The following HPCAL1 variants were observed in gnomAD, a reference collection of about 807,000 sequenced individuals.
HPCAL1 encodes the protein hippocalcin like 1.
A neutral mutation model predicts 17.1 loss-of-function variants in HPCAL1; 8 were observed. The observed-to-expected ratio is 0.47, with a 90% CI of 0.27 to 0.84. The LOEUF (loss-of-function observed/expected upper bound fraction) is 0.84, where lower values mean the gene tolerates loss of function less well. Among genes scored for constraint, HPCAL1 ranks in the 40% least tolerant of loss-of-function variants. HPCAL1 has a pLI of 0.13. For missense variants in HPCAL1, 165 were observed against 271.1 expected, an observed-to-expected ratio of 0.61 and a Z score of 2.75; for synonymous variants, 112 against 111.4, an observed-to-expected ratio of 1.01 and a Z score of -0.03.
chr2:10,340,263 C>T (rs55638790), intron 1 of HPCAL1, among the ~76,000 whole-genome samples: 21,255 of 152,160 alleles, frequency 0.14, 1,619 homozygotes, highest in South Asian at 0.23. Context: ...CTTTCTTGAA[C>T]GGGAAAGATA....
intron 2 of HPCAL1, among the ~76,000 whole-genome samples, chr2:10,409,745 A>C (rs1039943860): frequency 2.7e-5 from 4 of 149,508 alleles, no homozygotes; most frequent in African/African-American, 9.9e-5. Flanking sequence ...ATTCACAACA[A>C]ACGCCTCTCC....
rs751046111 is a variant in HPCAL1 at position 10,394,791 on chromosome 2, A to G, written c.-110-2044A>G. 1.3e-5 allele frequency among the ~76,000 whole-genome samples: 2 copies of G among 151,888 alleles called. No homozygotes were observed. The highest frequency in any genetic ancestry group is 2.4e-5 in the African/African-American group (1 of 41,318). ...TTGTTGGGAAGACCTAAAAAATAAA[A>G]TCTTTTATTTTATTTTATTTTTTTG... On this transcript the variant is annotated intron_variant, in intron 1 of 4. Coordinates refer to ENST00000307845, the MANE Select transcript of HPCAL1 (RefSeq NM_002149.4). The surrounding 1 kb of genome is among the most constrained non-coding windows in gnomAD (Gnocchi z 5.0).
At chr2:10,421,279 C>G (rs2148036264) in intron 3 of HPCAL1, among the ~76,000 whole-genome samples, 1 of 152,344 alleles carries the variant, frequency 6.6e-6, no homozygotes, top group Non-Finnish European at 1.5e-5. Context: ...ATCAACAGCT[C>G]TAGCAGAAAG....
In HPCAL1 at chr2:10,359,234, T is replaced by C. The variant is rs1338432574; in HGVS notation, c.-110-37601T>C. On this transcript the variant is annotated intron_variant, in intron 1 of 4. Coordinates refer to ENST00000307845, the MANE Select transcript of HPCAL1 (RefSeq NM_002149.4). This position sits in a 1 kb window ranked among gnomAD's most constrained non-coding sequence, Gnocchi z 4.1. Reference sequence around the variant, plus strand: ...CTGGTGGCCACTCCCTTGGTGTCCATGGGTGTCTGGTGTGTGCCTATGTTT... The same window carrying C: ...CTGGTGGCCACTCCCTTGGTGTCCACGGGTGTCTGGTGTGTGCCTATGTTT... Among the ~76,000 whole-genome samples, 2 of 152,098 alleles carry C rather than the reference T, an allele frequency of 1.3e-5. No homozygotes were observed. Among genetic ancestry groups the C allele is most frequent in the Middle Eastern group, 3.2e-3 (1 of 316 alleles).
chr2:10,330,926 G>C lies in HPCAL1; in HGVS notation c.-111+27749G>C, dbSNP rs568732053. On this transcript the variant is annotated intron_variant, in intron 1 of 4. Coordinates refer to ENST00000307845, the MANE Select transcript of HPCAL1 (RefSeq NM_002149.4). This position sits in a 1 kb window ranked among gnomAD's most constrained non-coding sequence, Gnocchi z 4.2. ...CAGAGCTTCTGGGTGCAGCCTGGGG[G>C]TGCAGCAAGCCCACCCCTGCATTCG... Among the ~76,000 whole-genome samples, 1 of 152,302 alleles carries C rather than the reference G, an allele frequency of 6.6e-6. No homozygotes were observed. The highest frequency in any genetic ancestry group is 1.9e-4 in the East Asian group (1 of 5,176).
rs79375807 is a variant in HPCAL1 at position 10,343,247 on chromosome 2, C to T, written c.-111+40070C>T. 0.023 allele frequency among the ~76,000 whole-genome samples: 3,453 copies of T among 152,296 alleles called. 130 individuals are homozygous for T. The highest frequency in any genetic ancestry group is 0.08 in the African/African-American group (3,319 of 41,542). On this transcript the variant is annotated intron_variant, in intron 1 of 4. Coordinates refer to ENST00000307845, the MANE Select transcript of HPCAL1 (RefSeq NM_002149.4). This position sits in a 1 kb window ranked among gnomAD's most constrained non-coding sequence, Gnocchi z 4.8. ...TCTAGCACACCATGGAGGCCTGCCC[C>T]GTCCCCATAAAACACACCACATTCA... is the stretch of plus-strand genomic sequence containing the variant.
rs1046297415 is a variant in HPCAL1, at chr2:10,367,105, T to C, written c.-110-29730T>C. Among the ~76,000 whole-genome samples the C allele has an allele frequency of 6.6e-6, 1 of 152,086 alleles. No individual in the cohort carries two copies. Among genetic ancestry groups the C allele is most frequent in the Non-Finnish European group, 1.5e-5 (1 of 68,018 alleles). On this transcript the variant is annotated intron_variant, in intron 1 of 4. Coordinates refer to ENST00000307845, the MANE Select transcript of HPCAL1 (RefSeq NM_002149.4). This position sits in a 1 kb window ranked among gnomAD's most constrained non-coding sequence, Gnocchi z 4.4. ...CCCAAGAGAGACCGGGAGGAGCATC[T>C]GGTGGAGGACCTGGGTGTTCTGTCT...
intron 1 of HPCAL1, among the ~76,000 whole-genome samples, chr2:10,393,463 G>A (rs943475829): frequency 6.6e-6 from 1 of 152,220 alleles, no homozygotes; most frequent in African/African-American, 2.4e-5. Flanking sequence ...TGGGGAAACT[G>A]GAAATGGCAG....
In HPCAL1 at chr2:10,344,650, C is replaced by T. The variant is rs575985109; in HGVS notation, c.-111+41473C>T. ...AAATGAGTAAGACGGGCGTCCCACA[C>T]TCCACAGTACTCTGCTCCCCCTTCC... On this transcript the variant is annotated intron_variant, in intron 1 of 4. Transcript: ENST00000307845. The surrounding 1 kb of genome is among the most constrained non-coding windows in gnomAD (Gnocchi z 4.9). Among the ~76,000 whole-genome samples, 2 of 152,338 alleles carry T rather than the reference C, an allele frequency of 1.3e-5. No homozygotes were observed. The highest frequency in any genetic ancestry group is 1.9e-4 in the East Asian group (1 of 5,192).
intron 1 of HPCAL1, among the ~76,000 whole-genome samples, chr2:10,322,277 C>A (rs1203635880): frequency 6.6e-6 from 1 of 152,160 alleles, no homozygotes; most frequent in Non-Finnish European, 1.5e-5. Context: ...CCCAAGTTAG[C>A]CTTATAAAGT....
chr2:10,422,915 G>A lies in HPCAL1; in HGVS notation c.379-68G>A, dbSNP rs957275181. On this transcript the variant is annotated intron_variant, in intron 3 of 4. Transcript: ENST00000307845. Reference sequence around the variant, plus strand: ...GAGCCTTGTTGTGGGCTGGGCGGAAGCCCACCCTTGCTGCACCCGCCCAAG... The same window carrying A: ...GAGCCTTGTTGTGGGCTGGGCGGAAACCCACCCTTGCTGCACCCGCCCAAG... 1.5e-5 allele frequency: 17 copies of A among 1,138,066 alleles called. No homozygotes were observed. In the South Asian group the frequency reaches 2.0e-4, roughly 13 times the overall value. The allele number at this position is 1,138,066 out of a possible 1,614,324, so 70.5% of individuals were successfully genotyped here. A position where few individuals can be genotyped will look rare whatever the true frequency, so the allele number is the denominator to read the frequency against.
At chr2:10,339,321 T>TA (rs1664921675) in intron 1 of HPCAL1, among the ~76,000 whole-genome samples, 1 of 146,590 alleles carries the variant, frequency 6.8e-6, no homozygotes. Flanking sequence ...CCCACCTAAT[T>TA]TTTTTTTTTT....
At chr2:10,322,411 G>A (rs1663723936) in intron 1 of HPCAL1, among the ~76,000 whole-genome samples, 1 of 152,194 alleles carries the variant, frequency 6.6e-6, no homozygotes, top group African/African-American at 2.4e-5. Context: ...GAAGCCACAC[G>A]AAAACCCCAG....
At chr2:10,396,368 G>A (rs912578874) in intron 1 of HPCAL1, among the ~76,000 whole-genome samples, 1 of 152,218 alleles carries the variant, frequency 6.6e-6, no homozygotes, top group Middle Eastern at 3.2e-3. Flanking sequence ...GTCGTGGGTG[G>A]CAGGCCTGGG....
intron 1 of HPCAL1, among the ~76,000 whole-genome samples, chr2:10,308,263 A>G (rs1240176452): frequency 6.6e-6 from 1 of 152,138 alleles, no homozygotes; most frequent in Non-Finnish European, 1.5e-5. Context: ...TGTTTTAATT[A>G]ATACCAAGAT....
intron 1 of HPCAL1, among the ~76,000 whole-genome samples, chr2:10,338,743 C>T (rs561590611): frequency 3.2e-4 from 49 of 152,248 alleles, no homozygotes; most frequent in African/African-American, 1.2e-3. Context: ...CCATGGATTC[C>T]GTAGAGCTTT....
intron 1 of HPCAL1, among the ~76,000 whole-genome samples, chr2:10,319,085 C>T (rs1321192180): frequency 6.6e-6 from 1 of 152,242 alleles, no homozygotes; most frequent in African/African-American, 2.4e-5. Context: ...CCATCATCAA[C>T]ATCATTGTCG....
intron 1 of HPCAL1, among the ~76,000 whole-genome samples, chr2:10,393,735 G>C (rs73163039): frequency 0.026 from 3,902 of 152,230 alleles, 156 homozygotes; most frequent in African/African-American, 0.086. Flanking sequence ...CAGCAGGCTT[G>C]TGCTCACCTG....
chr2:10,308,766 T>C (rs1662777790), intron 1 of HPCAL1, among the ~76,000 whole-genome samples: 1 of 151,958 alleles, frequency 6.6e-6, no homozygotes, highest in Non-Finnish European at 1.5e-5. Flanking sequence ...TCTAGCAGAG[T>C]GTGGGGATTT....
Sources: allele counts gnomAD v4.1 joint callset (sites outside exome capture counted in the v4.1 genomes callset), GRCh38; gene constraint gnomAD v4.1.1; non-coding constraint Gnocchi (gnomAD v3.1); transcripts MANE v1.5; gene names NCBI Gene and HGNC (gene_info 2026-07-23, HGNC 2026-07-21).